The following SLC44A1 variants were observed in gnomAD, a reference collection of about 807,000 sequenced individuals.
The protein encoded by SLC44A1 is solute carrier family 44 member 1, also known as choline transporter-like protein 1.
Under a neutral mutation model 79.3 loss-of-function variants are expected in SLC44A1, and 26 were observed. The ratio of observed to expected loss-of-function variants is 0.33; its 90% CI spans 0.24 to 0.46. SLC44A1 has a LOEUF of 0.46. Ranked by LOEUF, SLC44A1 falls within the 20% of genes least tolerant of loss-of-function variation. The pLI is 1.00. For synonymous variants in SLC44A1, 263 were observed against 286.2 expected (o/e 0.92, Z 0.82); for missense variants, 688 against 798.1 (o/e 0.86, Z 1.66).
At chr9:105,268,746 G>A (rs1264829586) in intron 1 of SLC44A1, among the ~76,000 whole-genome samples, 3 of 139,568 alleles carry the variant, frequency 2.1e-5, no homozygotes, top group African/African-American at 6.5e-5. Context: ...TGATCCGCCC[G>A]CCTTGGCCTC....
At chr9:105,380,498 C>G (rs374185017) in intron 13 of SLC44A1, among the ~76,000 whole-genome samples, 1 of 152,032 alleles carries the variant, frequency 6.6e-6, no homozygotes, top group African/African-American at 2.4e-5. Context: ...CTCTTAACTT[C>G]TAAAGTCATG....
intron 13 of SLC44A1, among the ~76,000 whole-genome samples, chr9:105,379,911 T>A (rs1828409515): frequency 6.6e-6 from 1 of 152,232 alleles, no homozygotes; most frequent in Admixed American, 6.5e-5. Flanking sequence ...ACAATTTATT[T>A]GACTTGGGTT....
intron 15 of SLC44A1, chr9:105,386,320 G>A (rs928379562): frequency 2.9e-5 from 27 of 939,058 alleles, no homozygotes; most frequent in Middle Eastern, 5.5e-4. Context: ...ATTTAAACAC[G>A]TATTTTTTTA....
chr9:105,435,882 A>G (rs1407004224), intron 15 of SLC44A1, among the ~76,000 whole-genome samples: 1 of 152,222 alleles, frequency 6.6e-6, no homozygotes, highest in Non-Finnish European at 1.5e-5. Flanking sequence ...TTTTCTGTAA[A>G]CCTAAAACTA....
At chr9:105,362,063 C>T (rs13293589) in intron 8 of SLC44A1, among the ~76,000 whole-genome samples, 12,499 of 150,584 alleles carry the variant, frequency 0.083, 1,240 homozygotes, top group African/African-American at 0.24. Flanking sequence ...CGTGTGTGTG[C>T]GCGCGCGCGC....
rs184217141 is a variant in SLC44A1, at chr9:105,250,349, A to G, written c.36+5445A>G. Among the ~76,000 whole-genome samples, 719 of 152,282 alleles carry G rather than the reference A, an allele frequency of 4.7e-3. 10 individuals carry two copies. The highest frequency in any genetic ancestry group is 3.7e-3 in the African/African-American group (153 of 41,554). ...AATGCTTCCAGGCTTAACAAATACT[A>G]TACTATCAAATACTATTTGATGTGT... On this transcript the variant is annotated intron_variant, in intron 1 of 15. Transcript: ENST00000374720.
At chr9:105,404,482 A>C (rs1345610019) in intron 15 of SLC44A1, among the ~76,000 whole-genome samples, 1 of 152,218 alleles carries the variant, frequency 6.6e-6, no homozygotes, top group Non-Finnish European at 1.5e-5. Context: ...ACAAGATAAA[A>C]TAACAGAAAA....
intron 15 of SLC44A1, among the ~76,000 whole-genome samples, chr9:105,405,646 C>G (rs79000562): frequency 1.3e-5 from 2 of 149,384 alleles, no homozygotes; most frequent in African/African-American, 4.9e-5. Context: ...ACCTTGTTCT[C>G]AAAAAAAAAA....
At chr9:105,317,995 C>T (rs1171640632) in intron 3 of SLC44A1, among the ~76,000 whole-genome samples, 1 of 152,110 alleles carries the variant, frequency 6.6e-6, no homozygotes, top group Non-Finnish European at 1.5e-5. Flanking sequence ...TCAGTACTCT[C>T]TGATTCTAAC....
chr9:105,285,130 T>G (rs1309694806), intron 1 of SLC44A1, among the ~76,000 whole-genome samples: 1 of 152,236 alleles, frequency 6.6e-6, no homozygotes, highest in Non-Finnish European at 1.5e-5. Context: ...ATGGCATGGA[T>G]GTACCATATT....
intron 4 of SLC44A1, among the ~76,000 whole-genome samples, chr9:105,344,652 T>C (rs1302525627): frequency 1.3e-5 from 2 of 152,282 alleles, no homozygotes; most frequent in Admixed American, 1.3e-4. Flanking sequence ...TTTTCTCCAC[T>C]CAGGATATCT....
exon 16 of SLC44A1, chr9:105,438,333 G>T: frequency 1.9e-6 from 3 of 1,540,738 alleles, no homozygotes; most frequent in Non-Finnish European, 2.6e-6. Context: ...CTCAGAGGAG[G>T]TTGTTTACAT....
intron 1 of SLC44A1, among the ~76,000 whole-genome samples, chr9:105,249,628 G>T (rs1829533980): frequency 6.6e-6 from 1 of 151,002 alleles, no homozygotes; most frequent in Non-Finnish European, 1.5e-5. Flanking sequence ...GGGTTCAAGT[G>T]ATTCTACTGC....
chr9:105,267,768 A>T (rs1412408716), intron 1 of SLC44A1, among the ~76,000 whole-genome samples: 1 of 151,942 alleles, frequency 6.6e-6, no homozygotes, highest in Non-Finnish European at 1.5e-5. Context: ...TTAGCTATCT[A>T]GTTATTATTA....
At chr9:105,348,071 A>G (rs1827293396) in intron 4 of SLC44A1, among the ~76,000 whole-genome samples, 1 of 152,120 alleles carries the variant, frequency 6.6e-6, no homozygotes, top group Non-Finnish European at 1.5e-5. Flanking sequence ...TGTATAATGC[A>G]TAAATGTCAT....
chr9:105,329,991 G>T (rs180958092), intron 3 of SLC44A1, among the ~76,000 whole-genome samples: 5 of 152,186 alleles, frequency 3.3e-5, no homozygotes. Context: ...ATATTTTTGT[G>T]TGTTCTTCTC....
intron 4 of SLC44A1, among the ~76,000 whole-genome samples, chr9:105,337,644 A>G (rs994434542): frequency 2.6e-5 from 4 of 152,236 alleles, no homozygotes; most frequent in Admixed American, 6.5e-5. Flanking sequence ...GTCTTATGCT[A>G]TCATTCAAAG....
At chr9:105,262,734 A>T (rs895374540) in intron 1 of SLC44A1, among the ~76,000 whole-genome samples, 3 of 152,216 alleles carry the variant, frequency 2.0e-5, no homozygotes, top group African/African-American at 7.2e-5. Context: ...TGGACTAACT[A>T]CAGGGTCCAG....
chr9:105,392,795 G>A lies in SLC44A1; in HGVS notation c.*3739G>A. 1.0e-6 allele frequency: 1 copy of A among 985,362 alleles called. No homozygotes were observed. The highest frequency in any genetic ancestry group is 4.7e-5 in the South Asian group (1 of 21,280). The allele number at this position is 985,362 out of a possible 1,614,324, so 61.0% of individuals were successfully genotyped here. A position where few individuals can be genotyped will look rare whatever the true frequency, so the allele number is the denominator to read the frequency against. ...TTCCAAAACCAGAACTGCCAGTAAT[G>A]GTGACTTGAATATTTTATTTGATTT... On this transcript the variant is annotated 3_prime_UTR_variant, in exon 16 of 16. Coordinates refer to ENST00000374720, the MANE Select transcript of SLC44A1 (RefSeq NM_080546.5).
Sources: allele counts gnomAD v4.1 joint callset (sites outside exome capture counted in the v4.1 genomes callset), GRCh38; gene constraint gnomAD v4.1.1; transcripts MANE v1.5; gene names NCBI Gene and HGNC (gene_info 2026-07-23, HGNC 2026-07-21).